NFIA: variants seen among roughly 807,000 people sequenced by gnomAD.
The protein encoded by NFIA is nuclear factor 1 A-type.
NFIA carries 8 observed loss-of-function variants against 62.8 expected under a neutral mutation model. The ratio of observed to expected loss-of-function variants is 0.13; its 90% confidence interval spans 0.07 to 0.23. The LOEUF (loss-of-function observed/expected upper bound fraction) is 0.23, where lower values mean the gene tolerates loss of function less well. Among genes scored for constraint, NFIA ranks in the 10% least tolerant of loss-of-function variants. The probability of loss-of-function intolerance (pLI) is 1.00; values close to 1 mark genes in which losing one functional copy is unlikely to be tolerated. For synonymous variants in NFIA, 235 were observed against 238.1 expected (o/e 0.99, Z 0.12); for missense variants, 410 against 642.1 (o/e 0.64, Z 3.91).
intron 2 of NFIA, among the ~76,000 whole-genome samples, chr1:61,153,594 G>T (rs191975263): frequency 4.4e-4 from 67 of 152,328 alleles, no homozygotes; most frequent in African/African-American, 1.4e-3. Flanking sequence ...AAAAGTGTTT[G>T]TGCAATGAGT....
intron 4 of NFIA, among the ~76,000 whole-genome samples, chr1:61,341,979 C>T (rs185169103): frequency 1.3e-5 from 2 of 152,254 alleles, no homozygotes; most frequent in East Asian, 3.9e-4. Context: ...TCATAGCTAA[C>T]TCTTGCCGAG....
chr1:61,446,450 G>A (rs1374532291), intron 10 of NFIA, among the ~76,000 whole-genome samples: 1 of 152,150 alleles, frequency 6.6e-6, no homozygotes, highest in African/African-American at 2.4e-5. Context: ...CAGGTGGAGA[G>A]GGAGGGAGAC....
chr1:61,356,701 C>T (rs962547828), intron 5 of NFIA, among the ~76,000 whole-genome samples: 3 of 152,122 alleles, frequency 2.0e-5, no homozygotes, highest in Admixed American at 6.6e-5. Context: ...TCAAGGAAAG[C>T]CCAGCAAAGA....
At chr1:61,078,053 A>G (rs903145019), upstream of NFIA, among the ~76,000 whole-genome samples, 1 of 152,098 alleles carries the variant, frequency 6.6e-6, no homozygotes, top group African/African-American at 2.4e-5. Context: ...TTGATCCTCT[A>G]ATCAATGGGA....
At chr1:61,138,821 G>A (rs891347407) in intron 2 of NFIA, among the ~76,000 whole-genome samples, 1 of 151,454 alleles carries the variant, frequency 6.6e-6, no homozygotes, top group African/African-American at 2.4e-5. Context: ...GCCTCAAGTC[G>A]TCCGCCCACC....
chr1:61,330,463 A>ACG (rs1222046372), intron 3 of NFIA, among the ~76,000 whole-genome samples: 16 of 127,556 alleles, frequency 1.3e-4, no homozygotes, highest in African/African-American at 4.2e-4. Flanking sequence ...ACACACACGC[A>ACG]CACATCTGCA....
At chr1:61,301,583 G>A (rs534916254) in intron 3 of NFIA, among the ~76,000 whole-genome samples, 1 of 152,136 alleles carries the variant, frequency 6.6e-6, no homozygotes, top group Non-Finnish European at 1.5e-5. Flanking sequence ...GGAAAAGCAA[G>A]CATTTACCCT....
At chr1:61,344,388 C>T (rs1201954951) in intron 4 of NFIA, among the ~76,000 whole-genome samples, 1 of 152,218 alleles carries the variant, frequency 6.6e-6, no homozygotes, top group Non-Finnish European at 1.5e-5. Context: ...GACTTTTCCC[C>T]TCCCCCGGTC....
At chr1:61,386,367 A>G (rs1476322876) in intron 7 of NFIA, among the ~76,000 whole-genome samples, 1 of 152,196 alleles carries the variant, frequency 6.6e-6, no homozygotes, top group East Asian at 1.9e-4. Context: ...CCAGAGAATC[A>G]AACTTTAAAA....
At chr1:61,297,830 C>T (rs1001873695) in intron 3 of NFIA, among the ~76,000 whole-genome samples, 6 of 151,862 alleles carry the variant, frequency 4.0e-5, no homozygotes, top group Admixed American at 6.6e-5. Flanking sequence ...GGACAGGAAG[C>T]GGAAAGTTAG....
At chr1:61,307,226 G>C (rs1306448314) in intron 3 of NFIA, among the ~76,000 whole-genome samples, 4 of 152,094 alleles carry the variant, frequency 2.6e-5, no homozygotes, top group African/African-American at 7.2e-5. Context: ...TCAGAAGTGG[G>C]GCCTTTTGGG....
chr1:61,380,872 A>G (rs918058817), intron 6 of NFIA, among the ~76,000 whole-genome samples: 1 of 152,094 alleles, frequency 6.6e-6, no homozygotes, highest in Admixed American at 6.6e-5. Flanking sequence ...TTGTTTACCA[A>G]CTTGGTCATT....
chr1:61,118,696 GTGTGTGTGTGTGTA>G (rs1402534810), intron 2 of NFIA, among the ~76,000 whole-genome samples: 14 of 72,092 alleles, frequency 1.9e-4, no homozygotes, highest in Admixed American at 4.4e-4. Context: ...GTGTGTGTGT[GTGTGTGTGTGTGTA>G]CCAGAGACTG....
At chr1:61,203,095 A>G (rs993339402) in intron 2 of NFIA, among the ~76,000 whole-genome samples, 6 of 152,240 alleles carry the variant, frequency 3.9e-5, no homozygotes, top group Admixed American at 2.6e-4. Flanking sequence ...TTGCTGATCA[A>G]GCAAGGTCTG....
chr1:61,282,494 G>A (rs1221073026), intron 3 of NFIA, among the ~76,000 whole-genome samples: 1 of 152,196 alleles, frequency 6.6e-6, no homozygotes, highest in Non-Finnish European at 1.5e-5. Flanking sequence ...TACAGGGCCT[G>A]TGAACAGTCC....
chr1:61,456,095 C>A lies in NFIA; in HGVS notation c.*775C>A, dbSNP rs1668291128. 6.6e-6 allele frequency: 1 copy of A among 152,468 alleles called. No individual in the cohort carries two copies. Among genetic ancestry groups the A allele is most frequent in the African/African-American group, 2.4e-5 (1 of 41,382 alleles). The allele number at this position is 152,468 out of a possible 1,614,324, so 9.4% of individuals were successfully genotyped here. A position where few individuals can be genotyped will look rare whatever the true frequency, so the allele number is the denominator to read the frequency against. Reference sequence around the variant, plus strand: ...CAATTTCAACAATGACACAAAAATTCACATGGAAATGGGGAAGATGGTCTG... The same window carrying A: ...CAATTTCAACAATGACACAAAAATTAACATGGAAATGGGGAAGATGGTCTG... On this transcript the variant is annotated 3_prime_UTR_variant, in exon 11 of 11. Coordinates refer to ENST00000403491, the MANE Select transcript of NFIA (RefSeq NM_001134673.4).
At chr1:61,375,128 A>T (rs910243399) in intron 6 of NFIA, among the ~76,000 whole-genome samples, 1 of 152,196 alleles carries the variant, frequency 6.6e-6, no homozygotes, top group African/African-American at 2.4e-5. Context: ...ATTACAAGGT[A>T]TACTTTAAAT....
chr1:61,134,058 A>G (rs1042177278), intron 2 of NFIA, among the ~76,000 whole-genome samples: 3 of 151,384 alleles, frequency 2.0e-5, no homozygotes, highest in Non-Finnish European at 4.4e-5. Flanking sequence ...TCCAGGAGGC[A>G]GAGGTTACAG....
At chr1:61,248,556 T>C (rs1655800643) in intron 2 of NFIA, among the ~76,000 whole-genome samples, 1 of 152,198 alleles carries the variant, frequency 6.6e-6, no homozygotes, top group South Asian at 2.1e-4. Flanking sequence ...AGCTGCTTCC[T>C]ATTGTTAAGT....
Sources: allele counts gnomAD v4.1 joint callset (sites outside exome capture counted in the v4.1 genomes callset), GRCh38; gene constraint gnomAD v4.1.1; transcripts MANE v1.5; gene names NCBI Gene and HGNC (gene_info 2026-07-23, HGNC 2026-07-21).